The following IQGAP1 variants were observed in gnomAD, a reference collection of about 807,000 sequenced individuals.
IQGAP1 encodes IQ motif containing GTPase activating protein 1.
A neutral mutation model predicts 215.6 loss-of-function variants in IQGAP1; 66 were observed. The observed-to-expected ratio is 0.31, with a 90% CI of 0.25 to 0.38. IQGAP1 has a LOEUF of 0.38. Among genes scored for constraint, IQGAP1 ranks in the 10% least tolerant of loss-of-function variants. IQGAP1 has a pLI of 1.00. For missense variants in IQGAP1, 1,712 were observed against 1,997.1 expected, an observed-to-expected ratio of 0.86 and a Z score of 2.72; for synonymous variants, 772 against 728.7, an observed-to-expected ratio of 1.06 and a Z score of -0.96.
At chr15:90,480,685 T>A (rs1472676765) in intron 26 of IQGAP1, among the ~76,000 whole-genome samples, 1 of 152,204 alleles carries the variant, frequency 6.6e-6, no homozygotes, top group Non-Finnish European at 1.5e-5. Flanking sequence ...GTTGTTGTGG[T>A]TGAGACAGAG....
At chr15:90,465,628 G>A (rs951090270) in intron 15 of IQGAP1, among the ~76,000 whole-genome samples, 1 of 151,744 alleles carries the variant, frequency 6.6e-6, no homozygotes, top group African/African-American at 2.4e-5. Context: ...AGCCTCCCTA[G>A]TAGCTGGGAC....
At chr15:90,491,610 A>G in intron 34 of IQGAP1, 65 bp downstream of exon 34, 2 of 1,292,640 alleles carry the variant, frequency 1.5e-6, no homozygotes, top group South Asian at 1.2e-5. Flanking sequence ...GAGAGACAGT[A>G]GCTGTTCACA....
intron 5 of IQGAP1, among the ~76,000 whole-genome samples, chr15:90,437,006 C>A (rs1965379474): frequency 6.6e-6 from 1 of 152,118 alleles, no homozygotes; most frequent in African/African-American, 2.4e-5. Flanking sequence ...TAAAGAAATA[C>A]CTGAGACTGG....
At chr15:90,404,624 A>G (rs1212919888) in intron 2 of IQGAP1, among the ~76,000 whole-genome samples, 1 of 151,966 alleles carries the variant, frequency 6.6e-6, no homozygotes, top group East Asian at 1.9e-4. Context: ...TTTTTGAGAA[A>G]GTCTCATTCT....
At chr15:90,437,290 C>A (rs1465015118) in intron 5 of IQGAP1, among the ~76,000 whole-genome samples, 1 of 152,188 alleles carries the variant, frequency 6.6e-6, no homozygotes, top group Non-Finnish European at 1.5e-5. Flanking sequence ...TCTCACCAGG[C>A]CCCCACCTGG....
intron 15 of IQGAP1, among the ~76,000 whole-genome samples, chr15:90,462,743 C>G (rs776217976): frequency 5.3e-5 from 8 of 152,160 alleles, no homozygotes; most frequent in Non-Finnish European, 1.0e-4. Context: ...TCTTCTACCT[C>G]CAATCATTGC....
intron 10 of IQGAP1, 67 bp from the exon 11 acceptor site, chr15:90,449,492 T>G: frequency 4.2e-4 from 542 of 1,285,716 alleles, no homozygotes; most frequent in Non-Finnish European, 5.1e-4. Context: ...TTTTGAGAGA[T>G]GAGAACCTTA....
At chr15:90,418,426 A>C (rs778152285) in intron 2 of IQGAP1, among the ~76,000 whole-genome samples, 6 of 151,932 alleles carry the variant, frequency 3.9e-5, no homozygotes, top group Admixed American at 2.0e-4. Context: ...GTCTCTACAA[A>C]TAATTTTAAA....
chr15:90,486,755 T>G, intron 31 of IQGAP1, 199 bp from the exon 32 acceptor site: 1 of 568,146 alleles, frequency 1.8e-6, no homozygotes, highest in Non-Finnish European at 3.1e-6. Context: ...CTCAAACATT[T>G]ATGGAGTTAT....
intron 18 of IQGAP1, among the ~76,000 whole-genome samples, chr15:90,472,341 A>G (rs914679961): frequency 8.5e-5 from 13 of 152,210 alleles, no homozygotes; most frequent in Non-Finnish European, 1.2e-4. Context: ...GCTGTCCAGT[A>G]TCTTTAGTAA....
chr15:90,494,400 G>C (rs1403101891), intron 35 of IQGAP1: 1 of 176,356 alleles, frequency 5.7e-6, no homozygotes, highest in Non-Finnish European at 1.2e-5. Flanking sequence ...GCTGGCATAC[G>C]AAGCTCTCCT....
In IQGAP1 at chr15:90,479,774, C is replaced by T. The variant is rs539573974; in HGVS notation, c.3329+1885C>T. The stretch of plus-strand genomic sequence containing the variant: ...TTCCTTATTAGGAATCATTTGGCAT[C>T]TGATTGGTTCTCAGTACCATGTAGG... On this transcript the variant is annotated intron_variant, in intron 26 of 37. Coordinates refer to ENST00000268182, the MANE Select transcript of IQGAP1 (RefSeq NM_003870.4). Among the ~76,000 whole-genome samples, 28 of 152,070 alleles carry T rather than the reference C, an allele frequency of 1.8e-4. No individual in the cohort carries two copies. In the South Asian group the frequency reaches 5.8e-3, roughly 32 times the overall value.
chr15:90,421,604 T>G (rs538213509), intron 2 of IQGAP1, among the ~76,000 whole-genome samples: 1 of 152,214 alleles, frequency 6.6e-6, no homozygotes, highest in Non-Finnish European at 1.5e-5. Context: ...AGTGTCATAA[T>G]GAAGAAGGTG....
At chr15:90,486,437 G>T (rs548698908) in intron 31 of IQGAP1, 2 of 234,110 alleles carry the variant, frequency 8.5e-6, no homozygotes, top group East Asian at 1.1e-4. Flanking sequence ...CTAAAGGAAA[G>T]AATTTTTTTG....
intron 2 of IQGAP1, among the ~76,000 whole-genome samples, chr15:90,417,673 T>A (rs1965072592): frequency 6.6e-6 from 1 of 152,242 alleles, no homozygotes; most frequent in Non-Finnish European, 1.5e-5. Context: ...TTCTTTTGGC[T>A]TAGGATTGTC....
At chr15:90,408,564 A>C (rs993579347) in intron 2 of IQGAP1, among the ~76,000 whole-genome samples, 3 of 152,188 alleles carry the variant, frequency 2.0e-5, no homozygotes, top group Non-Finnish European at 4.4e-5. Flanking sequence ...GTAGGTCATG[A>C]AAAGGTTCGT....
rs1047931312 is a variant in IQGAP1 at position 90,388,449 on chromosome 15, G to A, written c.55+53G>A. On this transcript the variant is annotated intron_variant, in intron 1 of 37. Coordinates refer to ENST00000268182, the MANE Select transcript of IQGAP1 (RefSeq NM_003870.4). Reference sequence around the variant, plus strand: ...GCTTCGGGCTGGGCTAATTGCAGACGAGGCGCGATTTTCCTGGGGGCTCGG... The same window carrying A: ...GCTTCGGGCTGGGCTAATTGCAGACAAGGCGCGATTTTCCTGGGGGCTCGG... The A allele has an allele frequency of 8.2e-6, 12 of 1,458,110 alleles. No individual in the cohort carries two copies. The African/African-American group carries it at 1.2e-4, about 14-fold the overall frequency. The allele number at this position is 1,458,110 out of a possible 1,614,324, so 90.3% of individuals were successfully genotyped here.
rs143724798 is a variant in IQGAP1, at chr15:90,484,829, A to G, written c.3921+477A>G. On this transcript the variant is annotated intron_variant, in intron 30 of 37. Transcript: ENST00000268182. ...TGGCCTTTTGCTTGTTATTCTTAAC[A>G]GTATCTACTGCTAAGTTTCTAAAAG... Among the ~76,000 whole-genome samples, 1,125 of 152,264 alleles carry G rather than the reference A, an allele frequency of 7.4e-3. 10 individuals are homozygous for G. The highest frequency in any genetic ancestry group is 0.026 in the African/African-American group (1,074 of 41,532).
rs201895237 is a variant in IQGAP1, at chr15:90,441,484, G to GT, written c.650-15dup. 8,577 of 1,581,884 alleles carry GT rather than the reference G, an allele frequency of 5.4e-3. 19 individuals are homozygous for GT. Among genetic ancestry groups the GT allele is most frequent in the Admixed American group, 6.4e-3 (353 of 55,414 alleles). On this transcript the variant is annotated intron_variant, in intron 7 of 37. Coordinates refer to ENST00000268182, the MANE Select transcript of IQGAP1 (RefSeq NM_003870.4). Reference sequence around the variant, plus strand: ...ATAATCTCAGTGTTTTTGTTGGTTTGTTTTTTTGTTTTTTTTTTTAGTACA... The same window carrying GT: ...ATAATCTCAGTGTTTTTGTTGGTTTGTTTTTTTTGTTTTTTTTTTTAGTACA...
Sources: allele counts gnomAD v4.1 joint callset (sites outside exome capture counted in the v4.1 genomes callset), GRCh38; gene constraint gnomAD v4.1.1; transcripts MANE v1.5; gene names NCBI Gene and HGNC (gene_info 2026-07-23, HGNC 2026-07-21).